Variants in COL24A1 observed in about 807,000 individuals in gnomAD.
The protein encoded by COL24A1 is collagen type XXIV alpha 1 chain.
Under a neutral mutation model 253.9 loss-of-function variants are expected in COL24A1, and 224 were observed. The ratio of observed to expected loss-of-function variants is 0.88; its 90% CI spans 0.79 to 0.99. COL24A1 has a LOEUF of 0.99. Among genes scored for constraint, COL24A1 ranks in the 50% least tolerant of loss-of-function variants. The pLI is 0.00. For missense variants in COL24A1, 2,131 were observed against 2,068.5 expected, an observed-to-expected ratio of 1.03 and a Z score of -0.59; for synonymous variants, 685 against 673.7, an observed-to-expected ratio of 1.02 and a Z score of -0.26.
At chr1:86,150,582 A>G (rs11161754) in intron 1 of COL24A1, among the ~76,000 whole-genome samples, 12,555 of 152,026 alleles carry the variant, frequency 0.083, 610 homozygotes, top group East Asian at 0.22. Context: ...TTTTTTCTTA[A>G]TTTTCATTTT....
intron 19 of COL24A1, among the ~76,000 whole-genome samples, chr1:86,013,750 C>T (rs1343271467): frequency 6.6e-6 from 1 of 152,100 alleles, no homozygotes; most frequent in African/African-American, 2.4e-5. Flanking sequence ...GCAGGAGAAT[C>T]GCTTCAACCT....
intron 43 of COL24A1, among the ~76,000 whole-genome samples, chr1:85,833,588 C>A (rs1490090702): frequency 6.6e-6 from 1 of 152,114 alleles, no homozygotes; most frequent in Non-Finnish European, 1.5e-5. Context: ...ACTACAAATA[C>A]CACTTGACCC....
intron 39 of COL24A1, among the ~76,000 whole-genome samples, chr1:85,846,027 C>A (rs1239839400): frequency 6.6e-6 from 1 of 151,554 alleles, no homozygotes; most frequent in South Asian, 2.1e-4. Context: ...GTGGTATTGA[C>A]CCAGAAATAG....
At chr1:85,869,109 T>C (rs919345521) in intron 35 of COL24A1, among the ~76,000 whole-genome samples, 5 of 152,114 alleles carry the variant, frequency 3.3e-5, no homozygotes, top group Admixed American at 3.3e-4. Flanking sequence ...GTAATATATA[T>C]CCATTTGGTA....
intron 10 of COL24A1, among the ~76,000 whole-genome samples, chr1:86,056,587 G>A (rs1700677755): frequency 6.6e-6 from 1 of 152,136 alleles, no homozygotes; most frequent in Admixed American, 6.6e-5. Context: ...CGGGCCTGGT[G>A]GCTCACTCCT....
At chr1:86,034,257 G>T (rs976385985) in intron 12 of COL24A1, among the ~76,000 whole-genome samples, 8 of 152,084 alleles carry the variant, frequency 5.3e-5, no homozygotes, top group African/African-American at 1.9e-4. Context: ...ACAATCTTCA[G>T]TTATCTCTGC....
chr1:86,074,135 G>A (rs1169451406), intron 7 of COL24A1, among the ~76,000 whole-genome samples: 1 of 152,088 alleles, frequency 6.6e-6, no homozygotes, highest in African/African-American at 2.4e-5. Flanking sequence ...ATGTAAATGG[G>A]CTAAATGCCC....
chr1:86,036,711 T>C (rs550968044), intron 12 of COL24A1, among the ~76,000 whole-genome samples: 50 of 152,284 alleles, frequency 3.3e-4, no homozygotes, highest in African/African-American at 9.9e-4. Context: ...AGATTGGTTG[T>C]GAAATATGGA....
intron 12 of COL24A1, among the ~76,000 whole-genome samples, chr1:86,036,245 C>T (rs1408137731): frequency 6.6e-6 from 1 of 152,044 alleles, no homozygotes; most frequent in Admixed American, 6.6e-5. Flanking sequence ...GCCTCAGCCT[C>T]CCGTAGTGTT....
chr1:85,784,617 G>A (rs1192898796), intron 48 of COL24A1, among the ~76,000 whole-genome samples: 1 of 152,186 alleles, frequency 6.6e-6, no homozygotes, highest in Non-Finnish European at 1.5e-5. Context: ...GGAAAGAAGA[G>A]GGAAGGGGGA....
intron 31 of COL24A1, among the ~76,000 whole-genome samples, chr1:85,895,624 C>T (rs1683596072): frequency 6.6e-6 from 1 of 152,040 alleles, no homozygotes; most frequent in African/African-American, 2.4e-5. Context: ...AGAAAAAGAA[C>T]TTATATTCTT....
intron 37 of COL24A1, among the ~76,000 whole-genome samples, chr1:85,861,885 C>A (rs1164702782): frequency 1.3e-5 from 2 of 152,156 alleles, no homozygotes; most frequent in Non-Finnish European, 2.9e-5. Flanking sequence ...AGCTGTAATA[C>A]CCTTTTAGTT....
intron 47 of COL24A1, among the ~76,000 whole-genome samples, chr1:85,789,315 G>T (rs936358362): frequency 3.9e-5 from 6 of 151,962 alleles, no homozygotes; most frequent in African/African-American, 1.5e-4. Context: ...TATTCTCTTT[G>T]TAGCAATTGT....
At chr1:86,131,888 G>A (rs1649278006) in intron 2 of COL24A1, among the ~76,000 whole-genome samples, 1 of 152,136 alleles carries the variant, frequency 6.6e-6, no homozygotes, top group South Asian at 2.1e-4. Flanking sequence ...GTAATGGGAT[G>A]GCTGGATCAA....
intron 47 of COL24A1, among the ~76,000 whole-genome samples, chr1:85,805,177 T>C (rs986918405): frequency 6.6e-6 from 1 of 152,188 alleles, no homozygotes; most frequent in Non-Finnish European, 1.5e-5. Context: ...TTAGATGTAT[T>C]CCCTGTAACA....
At chr1:85,883,675 T>TA (rs1375947195) in intron 32 of COL24A1, 1 of 152,244 alleles carries the variant, frequency 6.6e-6, no homozygotes, top group African/African-American at 2.4e-5. Flanking sequence ...TTTCTTTTTT[T>TA]AAAAACCCTA....
chr1:85,827,088 G>A (rs1237064949), intron 43 of COL24A1, among the ~76,000 whole-genome samples: 6 of 151,968 alleles, frequency 3.9e-5, no homozygotes, highest in Non-Finnish European at 7.4e-5. Context: ...TTATTATTTT[G>A]AGATACGTCC....
intron 43 of COL24A1, among the ~76,000 whole-genome samples, chr1:85,830,905 T>C (rs1675178800): frequency 6.6e-6 from 1 of 152,160 alleles, no homozygotes. Context: ...CGCTGGGAGC[T>C]GTAGACCGGA....
intron 48 of COL24A1, 22 bp from the exon 49 acceptor site, chr1:85,784,388 G>T (rs369569109): frequency 5.7e-5 from 88 of 1,556,172 alleles, no homozygotes; most frequent in Middle Eastern, 3.3e-4. Context: ...ACAAAGAAAA[G>T]CGATCTTTAC....
Sources: gnomAD v4.1 joint callset for allele counts (sites outside exome capture counted in the v4.1 genomes callset) on GRCh38, gnomAD v4.1.1 for gene constraint, MANE v1.5 for transcripts, NCBI Gene and HGNC (gene_info 2026-07-23, HGNC 2026-07-21) for gene names.